CREB1: variants seen among roughly 807,000 people sequenced by gnomAD.
CREB1 encodes the protein cyclic AMP-responsive element-binding protein 1.
In CREB1, 2 loss-of-function variants were observed where a neutral mutation model predicts 42.0. The ratio of observed to expected loss-of-function variants is 0.05; its 90% CI spans 0.02 to 0.15. The LOEUF is 0.15. Ranked by LOEUF, CREB1 falls within the 10% of genes least tolerant of loss-of-function variation. The probability of loss-of-function intolerance (pLI) is 1.00; values close to 1 mark genes in which losing one functional copy is unlikely to be tolerated. For synonymous variants in CREB1, 123 were observed against 139.9 expected, an observed-to-expected ratio of 0.88 and a Z score of 0.85; for missense variants, 199 against 388.9, an observed-to-expected ratio of 0.51 and a Z score of 4.11.
At chr2:207,586,222 G>T (rs902126217) in intron 7 of CREB1, among the ~76,000 whole-genome samples, 1 of 152,070 alleles carries the variant, frequency 6.6e-6, no homozygotes, top group African/African-American at 2.4e-5. Context: ...CCAAAACATA[G>T]TATTGATATA....
At chr2:207,552,251 T>C (rs1039479195) in intron 1 of CREB1, among the ~76,000 whole-genome samples, 1 of 152,070 alleles carries the variant, frequency 6.6e-6, no homozygotes, top group Non-Finnish European at 1.5e-5. Context: ...TTTACTTGGA[T>C]TCACTAATGG....
intron 5 of CREB1, 93 bp from the exon 6 acceptor site, chr2:207,575,179 A>T: frequency 7.7e-7 from 1 of 1,305,146 alleles, no homozygotes. Flanking sequence ...AACTTCTCCT[A>T]GATTATTTTA....
At position 207,603,446 on chromosome 2, in the gene CREB1, T is replaced by A. The variant is rs763170293; in HGVS notation, c.*6388T>A. On this transcript the variant is annotated 3_prime_UTR_variant, in exon 8 of 8. Transcript: ENST00000353267. ...TTTAAAAACTCTGTAAGTCTCTTTT[T>A]TGGGGATGGGATCTCTATATTTTGT... 2 of 225,232 alleles carry A rather than the reference T, an allele frequency of 8.9e-6. No individual in the cohort carries two copies. The highest frequency in any genetic ancestry group is 3.7e-4 in the South Asian group (2 of 5,462). 14.0% of individuals were successfully genotyped at this position (225,232 alleles called of 1,614,324 possible).
intron 7 of CREB1, among the ~76,000 whole-genome samples, chr2:207,578,348 G>A (rs764657428): frequency 1.1e-4 from 16 of 152,146 alleles, no homozygotes; most frequent in South Asian, 2.1e-4. Context: ...AGAAGTGACC[G>A]AGACAAACAA....
At chr2:207,540,228 T>C (rs2081039333) in intron 1 of CREB1, among the ~76,000 whole-genome samples, 3 of 152,184 alleles carry the variant, frequency 2.0e-5, no homozygotes, top group Admixed American at 6.5e-5. Flanking sequence ...GCTCCATGCA[T>C]GTGATTGCCC....
chr2:207,553,403 T>G (rs780192548), intron 1 of CREB1, among the ~76,000 whole-genome samples: 1 of 152,174 alleles, frequency 6.6e-6, no homozygotes, highest in Non-Finnish European at 1.5e-5. Flanking sequence ...TTGTTACATT[T>G]GATGTCTTTC....
intron 1 of CREB1, among the ~76,000 whole-genome samples, chr2:207,553,117 G>A (rs1357655744): frequency 7.1e-6 from 1 of 140,764 alleles, no homozygotes; most frequent in Non-Finnish European, 1.5e-5. Context: ...CACCGAGGCT[G>A]GAGTGCAGTG....
At chr2:207,560,145 TAA>T in intron 2 of CREB1, 79 bp from the exon 3 acceptor site, 1 of 1,353,184 alleles carries the variant, frequency 7.4e-7, no homozygotes, top group Non-Finnish European at 9.8e-7. Flanking sequence ...TTTTTGCTTC[TAA>T]AAAGTTATTT....
chr2:207,563,822 T>C (rs1318076047), intron 3 of CREB1, among the ~76,000 whole-genome samples: 2 of 152,124 alleles, frequency 1.3e-5, no homozygotes, highest in African/African-American at 2.4e-5. Flanking sequence ...TAGGCACCTA[T>C]AGTCCCAGCT....
chr2:207,582,473 A>T (rs1356539939), intron 7 of CREB1, among the ~76,000 whole-genome samples: 2 of 152,210 alleles, frequency 1.3e-5, no homozygotes, highest in East Asian at 3.8e-4. Context: ...GTTATAATCC[A>T]ATACTATTGT....
intron 2 of CREB1, 107 bp from the exon 3 acceptor site, chr2:207,560,118 CT>C: frequency 1.1e-6 from 1 of 948,748 alleles, no homozygotes; most frequent in Non-Finnish European, 1.5e-6. Flanking sequence ...AAATACATAT[CT>C]AGCAAAAAGG....
intron 1 of CREB1, among the ~76,000 whole-genome samples, chr2:207,547,037 A>T (rs1243393559): frequency 3.3e-5 from 5 of 152,196 alleles, no homozygotes. Flanking sequence ...AACATTCCTT[A>T]CAAATCTCTT....
chr2:207,561,229 T>A, intron 3 of CREB1: 1 of 1,341,790 alleles, frequency 7.5e-7, no homozygotes, highest in Non-Finnish European at 1.1e-6. Flanking sequence ...ATTCTTTATG[T>A]CTTTGTCCTT....
rs1044238588 is a variant in CREB1, at chr2:207,602,769, T to G, written c.*5711T>G. 1 of 214,520 alleles carries G rather than the reference T, an allele frequency of 4.7e-6. No homozygotes were observed. The highest frequency in any genetic ancestry group is 2.3e-5 in the African/African-American group (1 of 44,334). The allele number at this position is 214,520 out of a possible 1,614,324, so 13.3% of individuals were successfully genotyped here. A position where few individuals can be genotyped will look rare whatever the true frequency, so the allele number is the denominator to read the frequency against. ...AATTATTTATATTAAAAGTGGGAAA[T>G]AATTGTCAACATTTTTTTTGAGTAT... On this transcript the variant is annotated 3_prime_UTR_variant, in exon 8 of 8. Transcript: ENST00000353267.
chr2:207,600,993 GTTTA>G lies in CREB1; in HGVS notation c.*3939_*3942del. 5.3e-6 allele frequency: 1 copy of G among 188,018 alleles called. No individual in the cohort carries two copies. Among genetic ancestry groups the G allele is most frequent in the East Asian group, 8.7e-5 (1 of 11,506 alleles). The allele number at this position is 188,018 out of a possible 1,614,324, so 11.6% of individuals were successfully genotyped here. Reference sequence around the variant, plus strand: ...CAGCTATTACCATAAATTGGTCTCTGTTTATTTTGAAGATCACGGCTGCTTCATT... The same window carrying G: ...CAGCTATTACCATAAATTGGTCTCTGTTTTGAAGATCACGGCTGCTTCATT... On this transcript the variant is annotated 3_prime_UTR_variant, in exon 8 of 8. Transcript: ENST00000353267.
chr2:207,591,428 T>G (rs1458620943), intron 7 of CREB1, among the ~76,000 whole-genome samples: 3 of 152,152 alleles, frequency 2.0e-5, no homozygotes, highest in African/African-American at 2.4e-5. Context: ...AGTTGGTTTG[T>G]TTTGTTTTTG....
rs187504349 is a variant in CREB1 at position 207,587,322 on chromosome 2, G to C, written c.840-9592G>C. On this transcript the variant is annotated intron_variant, in intron 7 of 7. Coordinates refer to ENST00000353267, the MANE Select transcript of CREB1 (RefSeq NM_004379.5). ...GCAGGAGAATGGCGTGAACCCGGAA[G>C]GCAGAGCTTGCAGTGAGCCGAGATC... 2.5e-3 allele frequency among the ~76,000 whole-genome samples: 373 copies of C among 151,630 alleles called. 4 individuals carry two copies. The highest frequency in any genetic ancestry group is 2.5e-3 in the Non-Finnish European group (167 of 67,882).
intron 7 of CREB1, among the ~76,000 whole-genome samples, chr2:207,587,195 C>T (rs764298558): frequency 1.8e-4 from 27 of 152,184 alleles, no homozygotes; most frequent in Middle Eastern, 3.4e-3. Flanking sequence ...AGATCGAGAC[C>T]ATCCTGGCTA....
chr2:207,563,555 A>G (rs2106501504), intron 3 of CREB1, among the ~76,000 whole-genome samples: 1 of 152,344 alleles, frequency 6.6e-6, no homozygotes, highest in Non-Finnish European at 1.5e-5. Flanking sequence ...TAGTTTTGTT[A>G]TCTACATGAA....
Sources: gnomAD v4.1 joint callset for allele counts (sites outside exome capture counted in the v4.1 genomes callset) on GRCh38, gnomAD v4.1.1 for gene constraint, MANE v1.5 for transcripts, NCBI Gene and HGNC (gene_info 2026-07-23, HGNC 2026-07-21) for gene names.